ANKRD60: variants seen among roughly 807,000 people sequenced by gnomAD.
ANKRD60 encodes ankyrin repeat domain 60.
Under a neutral mutation model 21.3 loss-of-function variants are expected in ANKRD60, and 24 were observed. The ratio of observed to expected loss-of-function variants is 1.13; its 90% CI spans 0.82 to 1.59. The LOEUF is 1.59. ANKRD60 is among the 40% of genes most tolerant of loss of function. The probability of loss-of-function intolerance (pLI) is 0.00; values close to 1 mark genes in which losing one functional copy is unlikely to be tolerated. For synonymous variants in ANKRD60, 182 were observed against 199.4 expected (o/e 0.91, Z 0.74); for missense variants, 490 against 466.7 (o/e 1.05, Z -0.46).
At chr20:58,225,040 T>C (rs889746100) in intron 1 of ANKRD60, among the ~76,000 whole-genome samples, 2 of 152,348 alleles carry the variant, frequency 1.3e-5, no homozygotes, top group South Asian at 4.1e-4. Context: ...GGATTATTTA[T>C]AGGCAGTAGC....
downstream of ANKRD60, chr20:58,218,438 T>C (rs1003825669): frequency 2.7e-6 from 4 of 1,499,802 alleles, no homozygotes; most frequent in African/African-American, 1.4e-5. Context: ...CCCCATGGGA[T>C]TGAACTCTGC....
intron 1 of ANKRD60, among the ~76,000 whole-genome samples, chr20:58,223,917 C>A (rs1215413323): frequency 1.3e-5 from 2 of 152,128 alleles, no homozygotes; most frequent in African/African-American, 4.8e-5. Context: ...GCCTGGGCCA[C>A]ATGGCAAAAA....
downstream of ANKRD60, among the ~76,000 whole-genome samples, chr20:58,216,618 C>T (rs898581864): frequency 6.6e-6 from 1 of 152,148 alleles, no homozygotes; most frequent in African/African-American, 2.4e-5. Flanking sequence ...TTTTTTTCCT[C>T]GACTATTATT....
intron 1 of ANKRD60, among the ~76,000 whole-genome samples, chr20:58,226,923 G>A (rs1488369235): frequency 6.6e-6 from 1 of 152,128 alleles, no homozygotes; most frequent in Non-Finnish European, 1.5e-5. Flanking sequence ...GTTAGTTGGA[G>A]GCCGGGGGTC....
intron 1 of ANKRD60, among the ~76,000 whole-genome samples, chr20:58,223,931 G>A (rs1005469551): frequency 3.3e-5 from 5 of 151,968 alleles, no homozygotes; most frequent in African/African-American, 9.7e-5. Flanking sequence ...GCAAAAACCC[G>A]TCTCTACAAA....
intron 1 of ANKRD60, among the ~76,000 whole-genome samples, chr20:58,226,084 TCC>T (rs1249524866): frequency 6.6e-6 from 1 of 152,122 alleles, no homozygotes; most frequent in Non-Finnish European, 1.5e-5. Flanking sequence ...AGCTTTGAGC[TCC>T]CGATGTGAAC....
intron 1 of ANKRD60, among the ~76,000 whole-genome samples, chr20:58,227,089 G>A (rs1269962104): frequency 1.3e-5 from 2 of 152,162 alleles, no homozygotes; most frequent in Non-Finnish European, 2.9e-5. Flanking sequence ...CGTTTGTTTC[G>A]GATCTTGGCA....
downstream of ANKRD60, among the ~76,000 whole-genome samples, chr20:58,217,281 T>C (rs991749352): frequency 1.3e-5 from 2 of 151,890 alleles, no homozygotes; most frequent in Non-Finnish European, 2.9e-5. Flanking sequence ...ATACAAAAAT[T>C]AGCCAGGCAT....
At chr20:58,218,682 G>A (rs779060121) in exon 4 of ANKRD60, 10 of 1,551,758 alleles carry the variant, frequency 6.4e-6, no homozygotes, top group South Asian at 5.9e-5. Context: ...CTCCCCCTTG[G>A]CATCTCTGTC....
intron 1 of ANKRD60, among the ~76,000 whole-genome samples, chr20:58,225,070 G>T (rs1984338170): frequency 6.6e-6 from 1 of 152,166 alleles, no homozygotes; most frequent in African/African-American, 2.4e-5. Context: ...TTCTAATAAT[G>T]AGTAGCACTT....
chr20:58,218,516 C>A (rs551611541), exon 4 of ANKRD60: 2 of 1,551,254 alleles, frequency 1.3e-6, no homozygotes, highest in South Asian at 2.4e-5. Context: ...TCATCGTCAT[C>A]TTCTCAGACC....
rs1385705481 is a variant in ANKRD60 at position 58,228,331 on chromosome 20, C to A, written c.323G>T (p.Arg108Leu). 7.1e-6 allele frequency: 11 copies of A among 1,549,656 alleles called. No individual in the cohort carries two copies. Among genetic ancestry groups the A allele is most frequent in the Non-Finnish European group, 9.6e-6 (11 of 1,145,762 alleles). ...CATGTCGCCGCGGCAGTTTGCCACT[C>A]GGAACATCTCCCCCGTCTCCTCCAG... Residue 108 changes from arginine (R) to leucine (L), a missense_variant, in exon 1 of 4, where the codon CGA becomes CTA. By Grantham distance (102) the Arg-to-Leu change is moderately radical (BLOSUM62 -2). Coordinates refer to ENST00000457363, the Ensembl canonical transcript of ANKRD60. The surrounding 1 kb of genome is among the most constrained non-coding windows in gnomAD (Gnocchi z 5.3).
chr20:58,227,461 T>C (rs994975764), intron 1 of ANKRD60, among the ~76,000 whole-genome samples: 11 of 151,922 alleles, frequency 7.2e-5, no homozygotes, highest in African/African-American at 2.2e-4. Flanking sequence ...CAGTTGGGCA[T>C]GTGTGCTCTG....
intron 3 of ANKRD60, 24 bp from the exon 4 acceptor site, chr20:58,218,829 G>T (rs1043944706): frequency 6.6e-7 from 1 of 1,512,270 alleles, no homozygotes; most frequent in Admixed American, 2.1e-5. Flanking sequence ...ACATTGGCCA[G>T]AAGGAAGACA....
Position 58,228,257 on chromosome 20 carries a change from A to C in ANKRD60, c.397T>G (p.Phe133Val). Residue 133 changes from phenylalanine to valine, a missense_variant, in exon 1 of 4, where the codon TTC becomes GTC. Physicochemically the swap from Phe to Val is conservative, Grantham distance 50. Coordinates refer to ENST00000457363, the Ensembl canonical transcript of ANKRD60. This position sits in a 1 kb window ranked among gnomAD's most constrained non-coding sequence, Gnocchi z 5.3. The stretch of plus-strand genomic sequence containing the variant: ...AGGTACTGGAGCCGCTGGAGGTTGA[A>C]GGGGATGCCGACCATCAGGTCCAGC... 1 of 1,550,904 alleles carries C rather than the reference A, an allele frequency of 6.4e-7. No individual in the cohort carries two copies. Among genetic ancestry groups the C allele is most frequent in the Non-Finnish European group, 8.7e-7 (1 of 1,146,608 alleles).
intron 2 of ANKRD60, among the ~76,000 whole-genome samples, chr20:58,221,863 G>C (rs1443749995): frequency 2.0e-5 from 3 of 152,130 alleles, no homozygotes. Context: ...CCTCCCAGAG[G>C]GTGACAGTCA....
At chr20:58,221,766 A>G (rs1984261245) in intron 2 of ANKRD60, among the ~76,000 whole-genome samples, 2 of 152,250 alleles carry the variant, frequency 1.3e-5, no homozygotes, top group South Asian at 4.1e-4. Context: ...CTTCCTGTCA[A>G]TGTTTTGAAG....
intron 2 of ANKRD60, among the ~76,000 whole-genome samples, chr20:58,221,864 G>T (rs1051170915): frequency 6.6e-6 from 1 of 152,164 alleles, no homozygotes; most frequent in African/African-American, 2.4e-5. Context: ...CTCCCAGAGG[G>T]TGACAGTCAT....
At chr20:58,218,601 A>C (rs1288036998) in exon 4 of ANKRD60, 1 of 1,551,748 alleles carries the variant, frequency 6.4e-7, no homozygotes, top group Non-Finnish European at 8.7e-7. Context: ...CGACTTTGCT[A>C]TCCGGTGGAG....
Sources: gnomAD v4.1 joint callset for allele counts (sites outside exome capture counted in the v4.1 genomes callset) on GRCh38, gnomAD v4.1.1 for gene constraint, Gnocchi (gnomAD v3.1) non-coding constraint, MANE v1.5 for transcripts, NCBI Gene and HGNC (gene_info 2026-07-23, HGNC 2026-07-21) for gene names.